Variants in ADAMTS3 observed in about 807,000 individuals in gnomAD.
ADAMTS3 encodes ADAM metallopeptidase with thrombospondin type 1 motif 3.
Under a neutral mutation model 129.0 loss-of-function variants are expected in ADAMTS3, and 73 were observed. The ratio of observed to expected loss-of-function variants is 0.57; its 90% CI spans 0.47 to 0.69. The LOEUF (loss-of-function observed/expected upper bound fraction) is 0.69, where lower values mean the gene tolerates loss of function less well. Ranked by LOEUF, ADAMTS3 falls within the 30% of genes least tolerant of loss-of-function variation. ADAMTS3 has a pLI of 0.00. For synonymous variants in ADAMTS3, 477 were observed against 510.8 expected, an observed-to-expected ratio of 0.93 and a Z score of 0.89; for missense variants, 1,457 against 1,514.5, an observed-to-expected ratio of 0.96 and a Z score of 0.63.
intron 3 of ADAMTS3, among the ~76,000 whole-genome samples, chr4:72,461,473 G>C (rs978927): frequency 0.23 from 34,610 of 151,480 alleles, 4,381 homozygotes; most frequent in Non-Finnish European, 0.29. Context: ...CCATCTGTTA[G>C]TGGCAGCATA....
At chr4:72,528,079 C>T (rs1720861108) in intron 3 of ADAMTS3, among the ~76,000 whole-genome samples, 1 of 152,032 alleles carries the variant, frequency 6.6e-6, no homozygotes, top group Admixed American at 6.6e-5. Context: ...GTACATGTGG[C>T]CAGTGCTCAC....
intron 3 of ADAMTS3, among the ~76,000 whole-genome samples, chr4:72,455,819 C>T (rs1479650946): frequency 4.8e-5 from 4 of 83,994 alleles, no homozygotes; most frequent in African/African-American, 1.2e-4. Flanking sequence ...ATATATTTTA[C>T]ATATAGTATA....
chr4:72,355,435 T>C (rs751930739), intron 4 of ADAMTS3, among the ~76,000 whole-genome samples: 4 of 152,034 alleles, frequency 2.6e-5, no homozygotes, highest in Admixed American at 6.6e-5. Context: ...AAATTCTTGA[T>C]AGAGCAAAGA....
chr4:72,317,763 C>G (rs867666250), intron 10 of ADAMTS3, among the ~76,000 whole-genome samples: 16 of 152,130 alleles, frequency 1.1e-4, no homozygotes. Context: ...CACAGTGGCT[C>G]ACGCCTGTAA....
At chr4:72,517,442 T>G (rs1318602689) in intron 3 of ADAMTS3, among the ~76,000 whole-genome samples, 1 of 152,220 alleles carries the variant, frequency 6.6e-6, no homozygotes, top group African/African-American at 2.4e-5. Flanking sequence ...TCTGGTAGAA[T>G]TCGGCTGTGA....
intron 3 of ADAMTS3, among the ~76,000 whole-genome samples, chr4:72,488,223 C>A (rs1719640455): frequency 6.6e-6 from 1 of 151,928 alleles, no homozygotes; most frequent in Non-Finnish European, 1.5e-5. Flanking sequence ...ATTTAATATA[C>A]AGGAGCTGCC....
intron 20 of ADAMTS3, 21 bp downstream of exon 20, chr4:72,290,834 G>A (rs1239501012): frequency 1.9e-6 from 3 of 1,609,350 alleles, no homozygotes; most frequent in East Asian, 2.2e-5. Flanking sequence ...ACTTATGCAT[G>A]CACGGAATTC....
chr4:72,568,805 C>A lies in ADAMTS3; in HGVS notation c.-43G>T. 1 of 1,520,616 alleles carries A rather than the reference C, an allele frequency of 6.6e-7. No individual in the cohort carries two copies. The highest frequency in any genetic ancestry group is 9.1e-7 in the Non-Finnish European group (1 of 1,101,968). The allele number at this position is 1,520,616 out of a possible 1,614,324, so 94.2% of individuals were successfully genotyped here. A position where few individuals can be genotyped will look rare whatever the true frequency, so the allele number is the denominator to read the frequency against. On this transcript the variant is annotated 5_prime_UTR_variant, in exon 1 of 22. Transcript: ENST00000286657. Reference sequence around the variant, plus strand: ...TTCCAACTACTGGGCAAAGCAAATGCCCAGAGCAAACCCACCCCCCCCGCC... The same window carrying A: ...TTCCAACTACTGGGCAAAGCAAATGACCAGAGCAAACCCACCCCCCCCGCC...
chr4:72,417,706 G>A (rs1339464846), intron 3 of ADAMTS3, among the ~76,000 whole-genome samples: 5 of 151,748 alleles, frequency 3.3e-5, no homozygotes, highest in Admixed American at 6.6e-5. Flanking sequence ...CGAGATGGGC[G>A]GATCATGAAG....
chr4:72,340,883 T>C (rs947809861), intron 4 of ADAMTS3, among the ~76,000 whole-genome samples: 6 of 152,170 alleles, frequency 3.9e-5, no homozygotes, highest in Non-Finnish European at 5.9e-5. Context: ...ATTTCAAGTA[T>C]ATAGAACTCA....
At chr4:72,314,773 C>T (rs1296099802) in intron 11 of ADAMTS3, among the ~76,000 whole-genome samples, 3 of 152,102 alleles carry the variant, frequency 2.0e-5, no homozygotes, top group African/African-American at 7.2e-5. Flanking sequence ...TAATATAATG[C>T]AAACACTTAA....
intron 3 of ADAMTS3, among the ~76,000 whole-genome samples, chr4:72,535,008 G>T (rs1721151166): frequency 6.6e-6 from 1 of 152,146 alleles, no homozygotes; most frequent in Admixed American, 6.5e-5. Context: ...CACAATTGAA[G>T]CCAAGGCTGG....
chr4:72,415,195 C>T (rs959984856), intron 3 of ADAMTS3, among the ~76,000 whole-genome samples: 4 of 151,498 alleles, frequency 2.6e-5, no homozygotes, highest in African/African-American at 4.8e-5. Flanking sequence ...TAAGGTATTA[C>T]GGAATACAAA....
intron 4 of ADAMTS3, among the ~76,000 whole-genome samples, chr4:72,352,760 C>T (rs1401012015): frequency 6.6e-6 from 1 of 151,938 alleles, no homozygotes; most frequent in African/African-American, 2.4e-5. Flanking sequence ...AGATATTAGA[C>T]ATGGAGAAAT....
chr4:72,559,729 T>C (rs1272011325), intron 2 of ADAMTS3, among the ~76,000 whole-genome samples: 1 of 151,908 alleles, frequency 6.6e-6, no homozygotes, highest in South Asian at 2.1e-4. Context: ...ATTTTATGAA[T>C]GCTATGAAGT....
rs141125349 is a variant in ADAMTS3 at position 72,315,939 on chromosome 4, C to T, written c.1518G>A (p.Trp506Ter). Residue 506 changes from tryptophan (W) to a stop codon, truncating the protein, a stop_gained, in exon 11 of 22, where the codon TGG becomes TGA. Coordinates refer to ENST00000286657, the MANE Select transcript of ADAMTS3 (RefSeq NM_014243.3). LOFTEE classifies it high-confidence loss of function. ...FRTFDPCKQL[W>*]CSHPDNPYFC... is the part of the protein sequence containing the mutation. ...AGTAGGGATTATCAGGATGGCTACA[C>T]CACAGCTGTTTACATGGGTCAAAGG... 1 of 1,613,198 alleles carries T rather than the reference C, an allele frequency of 6.2e-7. No individual in the cohort carries two copies. The highest frequency in any genetic ancestry group is 8.5e-7 in the Non-Finnish European group (1 of 1,179,434).
At chr4:72,524,624 G>T (rs182151898) in intron 3 of ADAMTS3, among the ~76,000 whole-genome samples, 1 of 151,726 alleles carries the variant, frequency 6.6e-6, no homozygotes, top group Non-Finnish European at 1.5e-5. Flanking sequence ...TTTTATAGCC[G>T]GTATGTGGTA....
chr4:72,554,244 T>C (rs902354712), intron 2 of ADAMTS3, among the ~76,000 whole-genome samples: 1 of 152,220 alleles, frequency 6.6e-6, no homozygotes, highest in Non-Finnish European at 1.5e-5. Flanking sequence ...GAAGAGGCAA[T>C]GTTCTTTATT....
At chr4:72,505,615 G>T (rs1720141028) in intron 3 of ADAMTS3, among the ~76,000 whole-genome samples, 2 of 152,152 alleles carry the variant, frequency 1.3e-5, no homozygotes, top group Non-Finnish European at 1.5e-5. Context: ...GTCCCCTGAT[G>T]GCAGGCACAT....
Sources: allele counts gnomAD v4.1 joint callset (sites outside exome capture counted in the v4.1 genomes callset), GRCh38; gene constraint gnomAD v4.1.1; transcripts MANE v1.5; gene names NCBI Gene and HGNC (gene_info 2026-07-23, HGNC 2026-07-21).